The following PTK2B variants were observed in gnomAD, a reference collection of about 807,000 sequenced individuals.
PTK2B encodes protein tyrosine kinase 2 beta, also known as protein-tyrosine kinase 2-beta.
A neutral mutation model predicts 142.9 loss-of-function variants in PTK2B; 71 were observed. That is an observed-to-expected ratio of 0.50 (90% CI 0.41 to 0.61). The LOEUF (loss-of-function observed/expected upper bound fraction) is 0.61, where lower values mean the gene tolerates loss of function less well. PTK2B is among the 20% of genes least tolerant of loss of function. PTK2B has a pLI of 0.00. For missense variants in PTK2B, 1,105 were observed against 1,320.4 expected, an observed-to-expected ratio of 0.84 and a Z score of 2.53; for synonymous variants, 519 against 503.4, an observed-to-expected ratio of 1.03 and a Z score of -0.42.
At chr8:27,395,998 A>G (rs562153531) in intron 1 of PTK2B, 74 of 152,254 alleles carry the variant, frequency 4.9e-4, no homozygotes, top group African/African-American at 1.7e-3. Context: ...ATATATATAT[A>G]TCTTTTAGAT....
At chr8:27,449,006 T>A (rs1259464784) in intron 24 of PTK2B, among the ~76,000 whole-genome samples, 1 of 152,260 alleles carries the variant, frequency 6.6e-6, no homozygotes, top group African/African-American at 2.4e-5. Context: ...TTTGACAATG[T>A]CTGGCAGCAT....
intron 10 of PTK2B, 118 bp downstream of exon 10, chr8:27,432,479 T>C: frequency 1.1e-6 from 1 of 872,232 alleles, no homozygotes; most frequent in Non-Finnish European, 1.7e-6. Context: ...CTTCCTGGCT[T>C]TGGGGATCGT....
intron 4 of PTK2B, 111 bp downstream of exon 4, chr8:27,420,855 C>A: frequency 1.0e-6 from 1 of 1,000,512 alleles, no homozygotes; most frequent in Non-Finnish European, 1.5e-6. Flanking sequence ...TTATGGAGGG[C>A]CCAGGCTAGG....
chr8:27,399,869 A>C (rs1808270050), intron 2 of PTK2B, among the ~76,000 whole-genome samples: 1 of 152,178 alleles, frequency 6.6e-6, no homozygotes, highest in Non-Finnish European at 1.5e-5. Context: ...CCTGGGACCT[A>C]ATGATTAACT....
chr8:27,454,336 G>T (rs372480783), intron 29 of PTK2B, 45 bp downstream of exon 29: 10 of 1,596,112 alleles, frequency 6.3e-6, no homozygotes, highest in Non-Finnish European at 8.5e-6. Flanking sequence ...GCTCAAGTCC[G>T]CCCTGGAAGG....
At chr8:27,368,570 A>T (rs1409038938) in intron 1 of PTK2B, among the ~76,000 whole-genome samples, 1 of 152,216 alleles carries the variant, frequency 6.6e-6, no homozygotes, top group Non-Finnish European at 1.5e-5. Flanking sequence ...TTCCTGCCTG[A>T]TTAACTTCAC....
At chr8:27,410,170 C>T (rs113256072) in intron 2 of PTK2B, among the ~76,000 whole-genome samples, 111 of 152,314 alleles carry the variant, frequency 7.3e-4, no homozygotes, top group African/African-American at 2.4e-3. Context: ...AGTTTGCAAG[C>T]CACTGTCCCA....
At chr8:27,430,049 A>C (rs767737126) in intron 5 of PTK2B, 44 bp from the exon 6 acceptor site, 5 of 1,573,532 alleles carry the variant, frequency 3.2e-6, no homozygotes, top group East Asian at 2.2e-5. Flanking sequence ...TGACTGCCTC[A>C]TTCTCCAGCC....
In PTK2B at chr8:27,437,146, G is replaced by A. The variant is rs374032290; in HGVS notation, c.1366G>A (p.Val456Ile). ...GAAAGGGGAGAAAATCAATGTAGCTGTCAAGACCTGCAAGAAAGACTGCAC... is the reference window on the plus strand; with the variant it reads ...GAAAGGGGAGAAAATCAATGTAGCTATCAAGACCTGCAAGAAAGACTGCAC... ...NHKGEKINVAVKTCKKDCTLD... is the reference protein window; with the variant it reads ...NHKGEKINVAIKTCKKDCTLD... The change falls in exon 16 of 31, where the codon GTC (valine) becomes ATC (isoleucine). Residue 456 changes from valine (V) to isoleucine (I), a missense_variant. Coordinates refer to ENST00000346049, the MANE Select transcript of PTK2B (RefSeq NM_173176.3). The A allele has an allele frequency of 1.2e-6, 2 of 1,613,934 alleles. No homozygotes were observed. The highest frequency in any genetic ancestry group is 1.3e-5 in the African/African-American group (1 of 74,902).
chr8:27,383,852 A>ATTTTTTTTTTTTTTTTTTTTT (rs749255419), intron 1 of PTK2B, among the ~76,000 whole-genome samples: 4 of 116,590 alleles, frequency 3.4e-5, no homozygotes, highest in Admixed American at 9.1e-5. Flanking sequence ...CACCTGGCTA[A>ATTTTTTTTTTTTTTTTTTTTT]TTTTTTTTTT....
chr8:27,362,536 G>A (rs542260826), intron 1 of PTK2B, among the ~76,000 whole-genome samples: 1 of 152,218 alleles, frequency 6.6e-6, no homozygotes, highest in East Asian at 1.9e-4. Flanking sequence ...CTGCTCCTCT[G>A]ACACTACTCA....
chr8:27,433,845 T>G (rs1434111783), intron 11 of PTK2B, among the ~76,000 whole-genome samples: 1 of 152,204 alleles, frequency 6.6e-6, no homozygotes, highest in Non-Finnish European at 1.5e-5. Context: ...CGCCTGTGTG[T>G]GTCTCCATCT....
chr8:27,389,751 T>G (rs1243858144), intron 1 of PTK2B, among the ~76,000 whole-genome samples: 2 of 151,980 alleles, frequency 1.3e-5, no homozygotes, highest in African/African-American at 4.8e-5. Flanking sequence ...GAGAAAGCCT[T>G]GGAGAGGAGG....
chr8:27,311,423 C>T, upstream of PTK2B: 1 of 715,468 alleles, frequency 1.4e-6, no homozygotes, highest in Non-Finnish European at 2.2e-6. Flanking sequence ...CTCGGAGGAG[C>T]CCCACCCACT....
chr8:27,444,367 C>T (rs1811339424), intron 23 of PTK2B, 96 bp downstream of exon 23: 2 of 1,371,394 alleles, frequency 1.5e-6, no homozygotes, highest in South Asian at 1.2e-5. Flanking sequence ...CAGTCACCCA[C>T]TTGGGTGATG....
chr8:27,352,920 A>T (rs925141481), intron 1 of PTK2B, among the ~76,000 whole-genome samples: 5 of 152,352 alleles, frequency 3.3e-5, no homozygotes, highest in Non-Finnish European at 7.3e-5. Context: ...AAATGGACTA[A>T]TACATTATTA....
chr8:27,400,851 A>G (rs1215035792), intron 2 of PTK2B, among the ~76,000 whole-genome samples: 1 of 152,234 alleles, frequency 6.6e-6, no homozygotes, highest in East Asian at 1.9e-4. Context: ...TTCGGGTGTC[A>G]TTATGCAATG....
chr8:27,434,531 G>A lies in PTK2B; in HGVS notation c.1164G>A (p.Arg388=). ...QIPMLNLEAR[R]SHLSESCSIE... Reference sequence around the variant, plus strand: ...CCTACAGAAACCTGGAGGCCCGGCGGTCCCACCTCTCAGAGAGCTGCAGCA... The same window carrying A: ...CCTACAGAAACCTGGAGGCCCGGCGATCCCACCTCTCAGAGAGCTGCAGCA... The change falls in exon 13 of 31, where the codon CGG becomes CGA. Residue 388 remains arginine (R), a synonymous_variant. Transcript: ENST00000346049. 6.2e-7 allele frequency: 1 copy of A among 1,608,904 alleles called. No homozygotes were observed.
intron 1 of PTK2B, among the ~76,000 whole-genome samples, chr8:27,367,441 T>G (rs1005315376): frequency 2.0e-5 from 3 of 152,212 alleles, no homozygotes; most frequent in Admixed American, 6.5e-5. Flanking sequence ...CTGTCCATGT[T>G]TAGCCAAGTG....
Sources: gnomAD v4.1 joint callset for allele counts (sites outside exome capture counted in the v4.1 genomes callset) on GRCh38, gnomAD v4.1.1 for gene constraint, MANE v1.5 for transcripts, NCBI Gene and HGNC (gene_info 2026-07-23, HGNC 2026-07-21) for gene names.